The following IQUB variants were observed in gnomAD, a reference collection of about 807,000 sequenced individuals.
The protein encoded by IQUB is IQ motif and ubiquitin-like domain-containing protein.
A neutral mutation model predicts 86.4 loss-of-function variants in IQUB; 86 were observed. That is an observed-to-expected ratio of 1.00 (90% CI 0.84 to 1.19). The LOEUF is 1.19. Ranked by LOEUF, IQUB falls within the 50% of genes most tolerant of loss-of-function variation. The probability of loss-of-function intolerance (pLI) is 0.00; values close to 1 mark genes in which losing one functional copy is unlikely to be tolerated. For missense variants in IQUB, 946 were observed against 916.9 expected (o/e 1.03, Z -0.41); for synonymous variants, 289 against 304.5 (o/e 0.95, Z 0.53).
chr7:123,475,730 T>G (rs1414077039), intron 8 of IQUB, among the ~76,000 whole-genome samples: 1 of 152,174 alleles, frequency 6.6e-6, no homozygotes, highest in Middle Eastern at 3.2e-3. Flanking sequence ...GACACCCATC[T>G]TCCCTGTCCA....
At chr7:123,520,836 T>C (rs1000829804) in intron 1 of IQUB, among the ~76,000 whole-genome samples, 1 of 152,106 alleles carries the variant, frequency 6.6e-6, no homozygotes, top group African/African-American at 2.4e-5. Flanking sequence ...GATATATTTT[T>C]AAAATACAGC....
At chr7:123,525,590 C>T (rs1797160964) in intron 1 of IQUB, among the ~76,000 whole-genome samples, 1 of 152,094 alleles carries the variant, frequency 6.6e-6, no homozygotes, top group South Asian at 2.1e-4. Context: ...ATTCTTCTCT[C>T]TTTTTTTCTT....
intron 7 of IQUB, among the ~76,000 whole-genome samples, chr7:123,492,492 C>T (rs139239817): frequency 6.8e-4 from 104 of 152,252 alleles, no homozygotes; most frequent in African/African-American, 2.4e-3. Context: ...ACACCAAAAG[C>T]ATGATTCACA....
chr7:123,530,858 G>C (rs1433312110), intron 1 of IQUB, among the ~76,000 whole-genome samples: 1 of 151,832 alleles, frequency 6.6e-6, no homozygotes, highest in Non-Finnish European at 1.5e-5. Context: ...TGTATTTTTA[G>C]CAGAGACGGG....
chr7:123,478,392 G>C (rs1265032569), intron 8 of IQUB, among the ~76,000 whole-genome samples: 1 of 151,968 alleles, frequency 6.6e-6, no homozygotes, highest in Non-Finnish European at 1.5e-5. Flanking sequence ...TGGACCCAGG[G>C]TGGGGAACAT....
chr7:123,531,288 C>A (rs1797528684), intron 1 of IQUB, among the ~76,000 whole-genome samples: 1 of 151,940 alleles, frequency 6.6e-6, no homozygotes, highest in African/African-American at 2.4e-5. Context: ...TAAATACATC[C>A]CATAAAAAAT....
At chr7:123,523,238 C>CA (rs202072532) in intron 1 of IQUB, among the ~76,000 whole-genome samples, 43,811 of 136,622 alleles carry the variant, frequency 0.32, 7,399 homozygotes, top group African/African-American at 0.34. Context: ...ATGGCTGGGT[C>CA]AATGGTATTT....
At chr7:123,475,717 G>T (rs1394519396) in intron 8 of IQUB, among the ~76,000 whole-genome samples, 2 of 152,056 alleles carry the variant, frequency 1.3e-5, no homozygotes, top group Non-Finnish European at 2.9e-5. Context: ...AATAAAGAAA[G>T]GTGACACCCA....
chr7:123,460,965 C>T (rs1793950112), intron 11 of IQUB, among the ~76,000 whole-genome samples: 1 of 151,452 alleles, frequency 6.6e-6, no homozygotes, highest in East Asian at 1.9e-4. Context: ...CAAAGCCTTT[C>T]CCTAAGGTTT....
intron 7 of IQUB, among the ~76,000 whole-genome samples, chr7:123,481,171 G>A (rs1358484499): frequency 6.6e-6 from 1 of 152,072 alleles, no homozygotes; most frequent in African/African-American, 2.4e-5. Flanking sequence ...ACTAGCCTGT[G>A]AGGCAACACG....
chr7:123,525,346 T>G (rs1250605976), intron 1 of IQUB, among the ~76,000 whole-genome samples: 1 of 152,160 alleles, frequency 6.6e-6, no homozygotes, highest in Non-Finnish European at 1.5e-5. Context: ...TCTTTTTGGT[T>G]GGTAAGCTAT....
At chr7:123,458,353 G>C (rs1325692956) in intron 11 of IQUB, among the ~76,000 whole-genome samples, 6 of 151,926 alleles carry the variant, frequency 3.9e-5, no homozygotes, top group Admixed American at 3.9e-4. Context: ...GTGAAAAAGT[G>C]TGAGAGCAGA....
intron 12 of IQUB, among the ~76,000 whole-genome samples, chr7:123,453,239 T>C (rs1242318416): frequency 6.9e-6 from 1 of 145,788 alleles, no homozygotes; most frequent in African/African-American, 2.5e-5. Flanking sequence ...TTAGCCCTTA[T>C]TCTAACTGGG....
At chr7:123,463,355 A>T (rs1315907907) in intron 10 of IQUB, among the ~76,000 whole-genome samples, 1 of 151,798 alleles carries the variant, frequency 6.6e-6, no homozygotes, top group African/African-American at 2.4e-5. Flanking sequence ...GATTTTATTC[A>T]TAAAAGACCA....
chr7:123,459,507 A>G (rs1055384176), intron 11 of IQUB, among the ~76,000 whole-genome samples: 1 of 151,944 alleles, frequency 6.6e-6, no homozygotes, highest in East Asian at 1.9e-4. Context: ...TTGAATTGAG[A>G]CACTGGCTCC....
chr7:123,503,492 TA>T (rs1465373994), intron 3 of IQUB, 129 bp from the exon 4 acceptor site: 4 of 577,062 alleles, frequency 6.9e-6, no homozygotes, highest in African/African-American at 1.9e-5. Flanking sequence ...GAACTATGTA[TA>T]CATTGTGAAG....
chr7:123,489,092 A>G (rs1159401096), intron 7 of IQUB, among the ~76,000 whole-genome samples: 2 of 152,212 alleles, frequency 1.3e-5, no homozygotes, highest in African/African-American at 4.8e-5. Flanking sequence ...TGGTGATAGA[A>G]GTCAGACTAG....
At chr7:123,467,693 T>C (rs1397968384) in intron 9 of IQUB, among the ~76,000 whole-genome samples, 2 of 152,186 alleles carry the variant, frequency 1.3e-5, no homozygotes, top group Non-Finnish European at 2.9e-5. Context: ...TACCCTTGAT[T>C]TCTTGACCTG....
At chr7:123,521,737 C>T (rs1022225294) in intron 1 of IQUB, among the ~76,000 whole-genome samples, 1 of 151,764 alleles carries the variant, frequency 6.6e-6, no homozygotes, top group African/African-American at 2.4e-5. Flanking sequence ...GCCTAAGGTT[C>T]ATAGGTCCTT....
Sources: allele counts gnomAD v4.1 joint callset (sites outside exome capture counted in the v4.1 genomes callset), GRCh38; gene constraint gnomAD v4.1.1; transcripts MANE v1.5; gene names NCBI Gene and HGNC (gene_info 2026-07-23, HGNC 2026-07-21).